EML6: variants seen among roughly 807,000 people sequenced by gnomAD.
The protein encoded by EML6 is EMAP like 6.
Under a neutral mutation model 240.1 loss-of-function variants are expected in EML6, and 154 were observed. That is an observed-to-expected ratio of 0.64 (90% CI 0.56 to 0.73). The LOEUF is 0.73. Ranked by LOEUF, EML6 falls within the 30% of genes least tolerant of loss-of-function variation. EML6 has a pLI of 0.00. For missense variants in EML6, 2,964 were observed against 2,474.6 expected (o/e 1.20, Z -4.20); for synonymous variants, 1,148 against 899.0 (o/e 1.28, Z -4.95).
chr2:54,854,727 C>T (rs1044994522), intron 11 of EML6, among the ~76,000 whole-genome samples: 1 of 152,202 alleles, frequency 6.6e-6, no homozygotes, highest in African/African-American at 2.4e-5. Flanking sequence ...ACATAAAATG[C>T]ATAACAAGAC....
chr2:54,953,936 C>G, intron 31 of EML6, 47 bp from the exon 32 acceptor site: 2 of 1,413,026 alleles, frequency 1.4e-6, no homozygotes, highest in Non-Finnish European at 1.9e-6. Flanking sequence ...CGCCTTGGCT[C>G]TGCCATTTGT....
intron 41 of EML6, among the ~76,000 whole-genome samples, 161 bp downstream of exon 41, chr2:54,968,929 T>C (rs563106412): frequency 2.7e-4 from 41 of 152,212 alleles, no homozygotes; most frequent in African/African-American, 8.0e-4. Context: ...GCAAGTACTT[T>C]CCAAGATAAG....
chr2:54,798,716 T>C (rs1669951577), intron 2 of EML6, among the ~76,000 whole-genome samples: 1 of 152,176 alleles, frequency 6.6e-6, no homozygotes, highest in Non-Finnish European at 1.5e-5. Flanking sequence ...TTAATTAGGA[T>C]ACACAATATC....
At position 54,866,820 on chromosome 2, in the gene EML6, G is replaced by C. The variant is rs754832102; in HGVS notation, c.1987G>C (p.Ala663Pro). The C allele has an allele frequency of 3.6e-5, 56 of 1,551,130 alleles. 2 individuals carry two copies. In the South Asian group the frequency reaches 6.7e-4, roughly 18 times the overall value. Residue 663 changes from alanine (A) to proline (P), a missense_variant, in exon 14 of 42, where the codon GCA becomes CCA. By Grantham distance (27) the Ala-to-Pro change is conservative. Coordinates refer to ENST00000356458, the MANE Select transcript of EML6 (RefSeq NM_001039753.4). ...LKQQSKEKNH[A>P]VPFLKREKAP... ...GCAACAAAGTAAAGAGAAAAACCAC[G>C]CAGTGCCCTTCCTCAAACGAGAAAA...
chr2:54,734,971 C>T (rs1311595298), intron 2 of EML6, among the ~76,000 whole-genome samples: 2 of 152,264 alleles, frequency 1.3e-5, no homozygotes, highest in Non-Finnish European at 2.9e-5. Context: ...GATGTCCCTC[C>T]CTGTCTTAAC....
At chr2:54,937,943 C>T (rs930466737) in intron 28 of EML6, among the ~76,000 whole-genome samples, 7 of 152,268 alleles carry the variant, frequency 4.6e-5, no homozygotes, top group Non-Finnish European at 1.0e-4. Flanking sequence ...CGTATAAAAC[C>T]TCTTTATACG....
intron 7 of EML6, among the ~76,000 whole-genome samples, chr2:54,839,529 C>T (rs1201580800): frequency 9.2e-5 from 14 of 152,226 alleles, no homozygotes; most frequent in Non-Finnish European, 2.1e-4. Flanking sequence ...GTTGATATTG[C>T]AAGCAATGAA....
At chr2:54,858,100 G>GAC (rs1670483502) in intron 11 of EML6, among the ~76,000 whole-genome samples, 1 of 152,202 alleles carries the variant, frequency 6.6e-6, no homozygotes, top group South Asian at 2.1e-4. Context: ...TGAGGTTGCA[G>GAC]TCATGTGAAG....
Position 54,827,767 on chromosome 2 carries a change from T to C in EML6, c.711+16T>C. 1 of 1,533,514 alleles carries C rather than the reference T, an allele frequency of 6.5e-7. No homozygotes were observed. Among genetic ancestry groups the C allele is most frequent in the Non-Finnish European group, 8.8e-7 (1 of 1,131,228 alleles). The allele number at this position is 1,533,514 out of a possible 1,614,324, so 95.0% of individuals were successfully genotyped here. Reference sequence around the variant, plus strand: ...AGCACATAGTGTAAGTATTACCTTGTGGAAATCTGTGGGTGACCTACCAAA... The same window carrying C: ...AGCACATAGTGTAAGTATTACCTTGCGGAAATCTGTGGGTGACCTACCAAA... On this transcript the variant is annotated intron_variant, in intron 6 of 41. Coordinates refer to ENST00000356458, the MANE Select transcript of EML6 (RefSeq NM_001039753.4).
At chr2:54,926,126 T>G (rs533122776) in intron 26 of EML6, among the ~76,000 whole-genome samples, 7 of 152,302 alleles carry the variant, frequency 4.6e-5, no homozygotes, top group Admixed American at 4.6e-4. Flanking sequence ...TGTTTTAAGA[T>G]GGAGTCTCAC....
intron 32 of EML6, among the ~76,000 whole-genome samples, chr2:54,956,264 TGA>T (rs1444815582): frequency 4.6e-3 from 9 of 1,970 alleles, no homozygotes; most frequent in South Asian, 0.023. Flanking sequence ...CCATGACTGG[TGA>T]GCTGGAATCT....
intron 8 of EML6, among the ~76,000 whole-genome samples, chr2:54,845,784 A>G (rs530890211): frequency 1.1e-4 from 16 of 152,296 alleles, no homozygotes; most frequent in Admixed American, 7.2e-4. Context: ...GCAGCTCAGC[A>G]TGGAAGGGAT....
intron 10 of EML6, among the ~76,000 whole-genome samples, chr2:54,850,993 G>GA: frequency 6.6e-6 from 1 of 152,292 alleles, no homozygotes; most frequent in Middle Eastern, 3.4e-3. Flanking sequence ...TTTAGCACAT[G>GA]AAAAAATTCT....
intron 28 of EML6, among the ~76,000 whole-genome samples, chr2:54,932,747 C>T (rs1435117578): frequency 1.3e-5 from 2 of 152,286 alleles, no homozygotes; most frequent in Admixed American, 6.5e-5. Context: ...ATTCAGACTT[C>T]GGTAAAAACA....
intron 2 of EML6, among the ~76,000 whole-genome samples, chr2:54,726,591 CTT>C (rs1355827201): frequency 6.6e-6 from 1 of 152,076 alleles, no homozygotes; most frequent in African/African-American, 2.4e-5. Context: ...GCATGTAAAA[CTT>C]TTTTCATGTC....
At chr2:54,793,044 G>A (rs1171572604) in intron 2 of EML6, among the ~76,000 whole-genome samples, 2 of 152,146 alleles carry the variant, frequency 1.3e-5, no homozygotes, top group African/African-American at 4.8e-5. Flanking sequence ...GAGGCAGGCA[G>A]ATTGCATGAG....
chr2:54,922,281 A>G (rs1345599758), intron 26 of EML6, among the ~76,000 whole-genome samples: 4 of 152,262 alleles, frequency 2.6e-5, no homozygotes, highest in Admixed American at 2.6e-4. Context: ...AGACATAGAA[A>G]TGGCCAACAG....
At chr2:54,872,884 TCATTGCTCTTATGGCACC>T (rs1671327556) in intron 16 of EML6, among the ~76,000 whole-genome samples, 1 of 152,204 alleles carries the variant, frequency 6.6e-6, no homozygotes, top group African/African-American at 2.4e-5. Flanking sequence ...CCCTTTGTTG[TCATTGCTCTTATGGCACC>T]CATTGCTCTT....
chr2:54,730,145 A>G (rs889255669), intron 2 of EML6, among the ~76,000 whole-genome samples: 4 of 152,234 alleles, frequency 2.6e-5, no homozygotes, highest in African/African-American at 4.8e-5. Flanking sequence ...TCAAGAAAAA[A>G]AAAAGAAAAG....
Sources: allele counts gnomAD v4.1 joint callset (sites outside exome capture counted in the v4.1 genomes callset), GRCh38; gene constraint gnomAD v4.1.1; transcripts MANE v1.5; gene names NCBI Gene and HGNC (gene_info 2026-07-23, HGNC 2026-07-21).